Variants in PCDH9 observed in about 807,000 individuals in gnomAD.
PCDH9 encodes the protein protocadherin 9, also known as protocadherin-9.
A neutral mutation model predicts 70.6 loss-of-function variants in PCDH9; 24 were observed. The ratio of observed to expected loss-of-function variants is 0.34; its 90% confidence interval spans 0.25 to 0.48. PCDH9 has a LOEUF of 0.48. Ranked by LOEUF, PCDH9 falls within the 20% of genes least tolerant of loss-of-function variation. PCDH9 has a pLI of 0.99. For synonymous variants in PCDH9, 562 were observed against 558.5 expected, an observed-to-expected ratio of 1.01 and a Z score of -0.09; for missense variants, 1,281 against 1,503.6, an observed-to-expected ratio of 0.85 and a Z score of 2.45.
chr13:66,956,611 C>G (rs1054875529), intron 2 of PCDH9, among the ~76,000 whole-genome samples: 1 of 152,012 alleles, frequency 6.6e-6, no homozygotes, highest in South Asian at 2.1e-4. Flanking sequence ...ATTAGCCGAC[C>G]GTGGTGGCAC....
intron 3 of PCDH9, among the ~76,000 whole-genome samples, chr13:66,713,456 C>T (rs2078821977): frequency 6.6e-6 from 1 of 151,238 alleles, no homozygotes; most frequent in Admixed American, 6.6e-5. Flanking sequence ...TACTTCAAAG[C>T]TTCACTCTCT....
chr13:66,331,954 C>T (rs1187820217), intron 4 of PCDH9, among the ~76,000 whole-genome samples: 3 of 152,070 alleles, frequency 2.0e-5, no homozygotes, highest in Non-Finnish European at 4.4e-5. Flanking sequence ...CTTTGGTAGT[C>T]CTGCAGTGAA....
chr13:66,988,506 A>G (rs373309872), intron 2 of PCDH9, among the ~76,000 whole-genome samples: 13 of 152,114 alleles, frequency 8.5e-5, no homozygotes, highest in African/African-American at 2.9e-4. Flanking sequence ...CCATAGCAGA[A>G]AGGATGACAC....
intron 4 of PCDH9, among the ~76,000 whole-genome samples, chr13:66,445,802 CATATATT>C (rs1958077028): frequency 3.2e-5 from 4 of 123,244 alleles, no homozygotes; most frequent in Non-Finnish European, 6.7e-5. Flanking sequence ...AATACATACA[CATATATT>C]ATATATACAC....
intron 2 of PCDH9, among the ~76,000 whole-genome samples, chr13:66,944,104 G>A (rs73505314): frequency 0.023 from 3,425 of 152,094 alleles, 129 homozygotes; most frequent in African/African-American, 0.078. Context: ...CATATGTTTT[G>A]TGCAAGGCAT....
At chr13:67,081,043 G>A (rs761640396) in intron 2 of PCDH9, among the ~76,000 whole-genome samples, 1 of 151,972 alleles carries the variant, frequency 6.6e-6, no homozygotes, top group Non-Finnish European at 1.5e-5. Flanking sequence ...TTAAATTAAG[G>A]CATTAGTGAT....
At chr13:66,426,051 T>C (rs1357702702) in intron 4 of PCDH9, among the ~76,000 whole-genome samples, 1 of 151,618 alleles carries the variant, frequency 6.6e-6, no homozygotes, top group Non-Finnish European at 1.5e-5. Flanking sequence ...TAGAAGCCGA[T>C]AGGTACTGAT....
chr13:67,001,938 A>G (rs1566354784), intron 2 of PCDH9: 2 of 152,242 alleles, frequency 1.3e-5, no homozygotes, highest in Admixed American at 1.3e-4. Flanking sequence ...TTCTTGTCCA[A>G]AAATGCGGGT....
At chr13:66,571,376 G>C (rs535994888) in intron 4 of PCDH9, among the ~76,000 whole-genome samples, 1 of 151,916 alleles carries the variant, frequency 6.6e-6, no homozygotes, top group Non-Finnish European at 1.5e-5. Context: ...CTTGGTATTT[G>C]CAGACCTATG....
chr13:66,414,111 A>G (rs1232769877), intron 4 of PCDH9, among the ~76,000 whole-genome samples: 1 of 152,186 alleles, frequency 6.6e-6, no homozygotes, highest in Non-Finnish European at 1.5e-5. Flanking sequence ...AAAAAAAATC[A>G]AAGACTAGAC....
intron 4 of PCDH9, among the ~76,000 whole-genome samples, chr13:66,561,403 G>A (rs1198566987): frequency 6.6e-6 from 1 of 152,192 alleles, no homozygotes; most frequent in Non-Finnish European, 1.5e-5. Context: ...GGGCTGAGGA[G>A]TGCAGACACA....
intron 4 of PCDH9, among the ~76,000 whole-genome samples, chr13:66,427,493 G>C (rs1957691512): frequency 6.6e-6 from 1 of 151,720 alleles, no homozygotes; most frequent in African/African-American, 2.4e-5. Flanking sequence ...TGTGTTTTGT[G>C]TTAGTTCAAG....
At chr13:66,348,660 A>G (rs1018060569) in intron 4 of PCDH9, among the ~76,000 whole-genome samples, 1 of 134,388 alleles carries the variant, frequency 7.4e-6, no homozygotes, top group African/African-American at 2.7e-5. Context: ...AAGTGCTTGT[A>G]TAGTGCTATT....
At chr13:66,519,665 T>C (rs1416420085) in intron 4 of PCDH9, among the ~76,000 whole-genome samples, 1 of 152,138 alleles carries the variant, frequency 6.6e-6, no homozygotes, top group Non-Finnish European at 1.5e-5. Flanking sequence ...CACATGCCAG[T>C]TCCCTTCCCT....
chr13:66,479,450 T>C (rs1055018202), intron 4 of PCDH9, among the ~76,000 whole-genome samples: 8 of 152,210 alleles, frequency 5.3e-5, no homozygotes, highest in Non-Finnish European at 1.2e-4. Context: ...AACAGTAAAT[T>C]TAAAATCTTC....
intron 4 of PCDH9, among the ~76,000 whole-genome samples, chr13:66,460,096 T>A (rs1395816058): frequency 6.6e-6 from 1 of 151,852 alleles, no homozygotes; most frequent in Non-Finnish European, 1.5e-5. Context: ...AAATTTTACA[T>A]GCTTTGTGAC....
chr13:66,516,070 A>C (rs1310917826), intron 4 of PCDH9, among the ~76,000 whole-genome samples: 1 of 152,054 alleles, frequency 6.6e-6, no homozygotes. Context: ...CTTCTACTTG[A>C]AAAGAAATTA....
chr13:66,896,301 C>T (rs1044223792), intron 3 of PCDH9, among the ~76,000 whole-genome samples: 2 of 152,078 alleles, frequency 1.3e-5, no homozygotes, highest in African/African-American at 2.4e-5. Flanking sequence ...ATTCATAAGG[C>T]CACTCACATT....
At chr13:66,544,218 G>C (rs905597230) in intron 4 of PCDH9, among the ~76,000 whole-genome samples, 1 of 151,804 alleles carries the variant, frequency 6.6e-6, no homozygotes. Flanking sequence ...ACTGTTTTTC[G>C]GTCCAGTATT....
Sources: allele counts gnomAD v4.1 joint callset (sites outside exome capture counted in the v4.1 genomes callset), GRCh38; gene constraint gnomAD v4.1.1; transcripts MANE v1.5; gene names NCBI Gene and HGNC (gene_info 2026-07-23, HGNC 2026-07-21).